TRMT9B: variants seen among roughly 807,000 people sequenced by gnomAD.
TRMT9B encodes tRNA methyltransferase 9B (putative).
In TRMT9B, 16 loss-of-function variants were observed where a neutral mutation model predicts 11.5. That is an observed-to-expected ratio of 1.39 (90% CI 0.94 to 2.11). TRMT9B has a LOEUF of 2.11. Ranked by LOEUF, TRMT9B falls within the 30% of genes most tolerant of loss-of-function variation. The pLI is 0.00. For missense variants in TRMT9B, 941 were observed against 553.8 expected, an observed-to-expected ratio of 1.70 and a Z score of -7.02; for synonymous variants, 274 against 192.4, an observed-to-expected ratio of 1.42 and a Z score of -3.51.
At chr8:12,963,288 C>T (rs1433526024) in intron 1 of TRMT9B, among the ~76,000 whole-genome samples, 1 of 152,040 alleles carries the variant, frequency 6.6e-6, no homozygotes, top group East Asian at 1.9e-4. Flanking sequence ...CAAAAATTAG[C>T]CTGGTGTGGT....
At chr8:12,965,205 G>C (rs1802652150) in intron 1 of TRMT9B, among the ~76,000 whole-genome samples, 1 of 152,236 alleles carries the variant, frequency 6.6e-6, no homozygotes, top group African/African-American at 2.4e-5. Flanking sequence ...GCCTCTGTGT[G>C]TGATATAAGC....
chr8:13,018,701 CTT>C (rs375357071), intron 4 of TRMT9B, among the ~76,000 whole-genome samples: 10 of 152,102 alleles, frequency 6.6e-5, no homozygotes, highest in African/African-American at 1.7e-4. Context: ...AACATATTGT[CTT>C]GTTTTATGTG....
chr8:12,987,731 C>T (rs533460881), intron 1 of TRMT9B, among the ~76,000 whole-genome samples: 1 of 152,162 alleles, frequency 6.6e-6, no homozygotes, highest in South Asian at 2.1e-4. Flanking sequence ...ACCTACAGAA[C>T]ATCATAGCTT....
intron 1 of TRMT9B, among the ~76,000 whole-genome samples, chr8:12,946,176 C>G (rs754238): frequency 0.42 from 63,928 of 151,948 alleles, 14,728 homozygotes; most frequent in Middle Eastern, 0.54. Flanking sequence ...ATGTAAGAAG[C>G]ATCTAGATCA....
chr8:13,010,993 C>G, intron 3 of TRMT9B: 1 of 887,074 alleles, frequency 1.1e-6, no homozygotes. Flanking sequence ...TTTTCTTTTT[C>G]TTTTTTGAGA....
intron 2 of TRMT9B, among the ~76,000 whole-genome samples, chr8:12,994,948 C>T (rs1585258788): frequency 6.6e-6 from 1 of 152,338 alleles, no homozygotes; most frequent in South Asian, 2.1e-4. Context: ...TCCCAAAGTG[C>T]TGGAATTACA....
chr8:12,971,541 C>T (rs534634474), intron 1 of TRMT9B, among the ~76,000 whole-genome samples: 33 of 152,200 alleles, frequency 2.2e-4, no homozygotes, highest in South Asian at 1.7e-3. Context: ...GCATCTAGTG[C>T]GATATCCAGT....
intron 2 of TRMT9B, among the ~76,000 whole-genome samples, chr8:13,002,706 T>A (rs1002772386): frequency 6.6e-6 from 1 of 152,142 alleles, no homozygotes; most frequent in Non-Finnish European, 1.5e-5. Context: ...GTAGTAATAA[T>A]TGGGGCAAGA....
Position 12,999,434 on chromosome 8 carries a change from G to T in TRMT9B, c.-1-6768G>T, listed in dbSNP as rs188774396. On this transcript the variant is annotated intron_variant, in intron 2 of 4. Transcript: ENST00000524591. ...TTGATGGTTTCACACATACATACAC[G>T]CATACGCACACACATATGTATGTAA... Among the ~76,000 whole-genome samples the T allele has an allele frequency of 2.3e-4, 35 of 151,804 alleles. 1 individual carries two copies. In the South Asian group the frequency reaches 6.7e-3, roughly 29 times the overall value.
intron 2 of TRMT9B, among the ~76,000 whole-genome samples, chr8:12,993,032 T>C (rs976571987): frequency 1.3e-5 from 2 of 152,320 alleles, no homozygotes; most frequent in Middle Eastern, 3.4e-3. Context: ...GAGAATAGAC[T>C]GCTGGCTTCA....
chr8:12,958,036 G>A (rs1017761816), intron 1 of TRMT9B, among the ~76,000 whole-genome samples: 2 of 152,076 alleles, frequency 1.3e-5, no homozygotes, highest in African/African-American at 4.8e-5. Flanking sequence ...TTTTCACCCG[G>A]CTGATAAAGA....
chr8:13,014,618 G>C (rs1812274124), intron 4 of TRMT9B, among the ~76,000 whole-genome samples: 1 of 152,140 alleles, frequency 6.6e-6, no homozygotes, highest in Admixed American at 6.5e-5. Flanking sequence ...GGGGGTTAGG[G>C]CTTCGACATG....
chr8:12,981,264 G>A (rs1805324826), intron 1 of TRMT9B, among the ~76,000 whole-genome samples: 1 of 152,188 alleles, frequency 6.6e-6, no homozygotes, highest in Admixed American at 6.5e-5. Context: ...TTACACTCTG[G>A]TGCAAAGTCC....
intron 1 of TRMT9B, chr8:12,961,924 T>A (rs559008180): frequency 6.6e-6 from 1 of 152,354 alleles, no homozygotes; most frequent in African/African-American, 2.4e-5. Context: ...CAATCAGACT[T>A]CTCAGCAGAC....
intron 4 of TRMT9B, 81 bp downstream of exon 4, chr8:13,012,938 C>G (rs191623810): frequency 6.8e-7 from 1 of 1,466,184 alleles, no homozygotes. Context: ...ACTCAACATC[C>G]GTTCTGTGTA....
chr8:13,022,232 C>T lies in TRMT9B; in HGVS notation c.*188C>T. On this transcript the variant is annotated 3_prime_UTR_variant, in exon 5 of 5. Coordinates refer to ENST00000524591, the MANE Select transcript of TRMT9B (RefSeq NM_020844.3). ...AGCACAGATTCTGGCATTGAAAGCA[C>T]TTGACAAAGGGTATTTGTGCTTAAA... 1.9e-6 allele frequency: 1 copy of T among 531,624 alleles called. No individual in the cohort carries two copies. The highest frequency in any genetic ancestry group is 3.3e-5 in the South Asian group (1 of 30,436). 32.9% of individuals were successfully genotyped at this position (531,624 alleles called of 1,614,324 possible). A position where few individuals can be genotyped will look rare whatever the true frequency, so the allele number is the denominator to read the frequency against.
At chr8:12,953,892 A>C (rs1470405516) in intron 1 of TRMT9B, among the ~76,000 whole-genome samples, 2 of 152,214 alleles carry the variant, frequency 1.3e-5, no homozygotes, top group African/African-American at 4.8e-5. Flanking sequence ...CTGCTTTATT[A>C]ACGCATTTGA....
chr8:12,949,215 C>T (rs1457431319), intron 1 of TRMT9B, among the ~76,000 whole-genome samples: 1 of 151,404 alleles, frequency 6.6e-6, no homozygotes, highest in Admixed American at 6.6e-5. Flanking sequence ...TAGGAAATGC[C>T]ATAGGATTGG....
At chr8:13,001,125 G>GA (rs1158143562) in intron 2 of TRMT9B, among the ~76,000 whole-genome samples, 2 of 152,158 alleles carry the variant, frequency 1.3e-5, no homozygotes, top group African/African-American at 2.4e-5. Context: ...TTATTTTGCA[G>GA]AAAAATATTC....
Sources: allele counts gnomAD v4.1 joint callset (sites outside exome capture counted in the v4.1 genomes callset), GRCh38; gene constraint gnomAD v4.1.1; transcripts MANE v1.5; gene names NCBI Gene and HGNC (gene_info 2026-07-23, HGNC 2026-07-21).